Variants in CATSPERG observed in about 807,000 individuals in gnomAD.
CATSPERG encodes the protein cation channel sperm-associated auxiliary subunit gamma.
A neutral mutation model predicts 145.0 loss-of-function variants in CATSPERG; 115 were observed. The ratio of observed to expected loss-of-function variants is 0.79; its 90% CI spans 0.68 to 0.93. The LOEUF is 0.93. CATSPERG is among the 40% of genes least tolerant of loss of function. The pLI, the probability that CATSPERG is intolerant of heterozygous loss-of-function variation, is 0.00. For synonymous variants in CATSPERG, 588 were observed against 589.0 expected (o/e 1.00, Z 0.02); for missense variants, 1,296 against 1,490.1 (o/e 0.87, Z 2.14).
At chr19:38,356,580 G>C in intron 10 of CATSPERG, 37 bp downstream of exon 10, 1 of 1,606,734 alleles carries the variant, frequency 6.2e-7, no homozygotes, top group Non-Finnish European at 8.5e-7. Flanking sequence ...GTGGGAGGCT[G>C]GGGGAACTGA....
intron 3 of CATSPERG, among the ~76,000 whole-genome samples, chr19:38,339,704 A>G (rs1009091378): frequency 1.3e-5 from 2 of 152,122 alleles, no homozygotes; most frequent in Non-Finnish European, 2.9e-5. Flanking sequence ...ACTAAAGATC[A>G]TGAAGACTTA....
At chr19:38,339,034 G>A (rs1306647080) in intron 3 of CATSPERG, among the ~76,000 whole-genome samples, 2 of 152,096 alleles carry the variant, frequency 1.3e-5, no homozygotes, top group African/African-American at 4.8e-5. Flanking sequence ...TGGGACCAGA[G>A]GGCCATTGCT....
In CATSPERG at chr19:38,346,472, A is replaced by C. The variant is rs1375075108; in HGVS notation, c.692A>C (p.Tyr231Ser). The C allele has an allele frequency of 6.5e-7, 1 of 1,549,420 alleles. No homozygotes were observed. The highest frequency in any genetic ancestry group is 2.5e-5 in the East Asian group (1 of 40,816). ...GEELFNLMPQYFVGVSSRPLW... is the reference protein window; with the variant it reads ...GEELFNLMPQSFVGVSSRPLW... ...CAGCTCTTCAACCTGATGCCCCAGT[A>C]CTTTGTGGGTGTCTCATCGAGGCCC... is the stretch of plus-strand genomic sequence containing the variant. The change falls in exon 7 of 29, where the codon TAC becomes TCC. Residue 231 changes from tyrosine (Y) to serine (S), a missense_variant. Transcript: ENST00000409235.
rs1284048361 is a variant in CATSPERG, at chr19:38,343,583, TCTGAGGAC to T, written c.332_339del (p.Glu111GlyfsTer53). The stretch of plus-strand genomic sequence containing the variant: ...TGTGGGGCCATCTCACCCTCAGCCC[TCTGAGGAC>T]CTGGTGCGCATGGGCCACCTGACGG... On this transcript the variant is annotated frameshift_variant, in exon 4 of 29. Coordinates refer to ENST00000409235, the MANE Select transcript of CATSPERG (RefSeq NM_021185.5). LOFTEE classifies it high-confidence loss of function. 2 of 1,547,742 alleles carry T rather than the reference TCTGAGGAC, an allele frequency of 1.3e-6. No individual in the cohort carries two copies. The highest frequency in any genetic ancestry group is 1.4e-5 in the African/African-American group (1 of 72,932).
intron 7 of CATSPERG, among the ~76,000 whole-genome samples, chr19:38,351,011 G>A (rs538351610): frequency 3.3e-5 from 5 of 151,914 alleles, no homozygotes; most frequent in African/African-American, 1.2e-4. Flanking sequence ...AACAAAAAAT[G>A]GTCCTGTTTT....
chr19:38,358,159 C>G lies in CATSPERG; in HGVS notation c.1316-119C>G, dbSNP rs554576442. 4.3e-6 allele frequency: 4 copies of G among 934,474 alleles called. No homozygotes were observed. The Admixed American group carries it at 6.8e-5, about 16-fold the overall frequency. The allele number at this position is 934,474 out of a possible 1,614,324, so 57.9% of individuals were successfully genotyped here. A position where few individuals can be genotyped will look rare whatever the true frequency, so the allele number is the denominator to read the frequency against. On this transcript the variant is annotated intron_variant, in intron 11 of 28. Coordinates refer to ENST00000409235, the MANE Select transcript of CATSPERG (RefSeq NM_021185.5). ...AAGAAACTCTAAGGACTAGCAAACC[C>G]GAGTGGGAAGCTCTTTGGAGGGTTT...
rs1205362498 is a variant in CATSPERG, at chr19:38,367,192, C to G, written c.2650C>G (p.Pro884Ala). 2 of 1,613,778 alleles carry G rather than the reference C, an allele frequency of 1.2e-6. No individual in the cohort carries two copies. Among genetic ancestry groups the G allele is most frequent in the African/African-American group, 1.3e-5 (1 of 74,964 alleles). The change falls in exon 23 of 29, where the codon CCA becomes GCA. Residue 884 changes from proline to alanine, a missense_variant. Physicochemically the swap from Pro to Ala is conservative, Grantham distance 27 (BLOSUM62 -1). Transcript: ENST00000409235. Reference protein sequence around the residue: ...LMVPVFIGCPPGKRLAFDITY... With the variant: ...LMVPVFIGCPAGKRLAFDITY... The stretch of plus-strand genomic sequence containing the variant: ...GGTGCCAGTGTTCATTGGCTGCCCC[C>G]CAGGCAAGCGCCTGGCCTTCGACAT...
At position 38,365,046 on chromosome 19, in the gene CATSPERG, T is replaced by C. The variant is rs1254557955; in HGVS notation, c.2557-15T>C. 1 of 1,614,134 alleles carries C rather than the reference T, an allele frequency of 6.2e-7. No individual in the cohort carries two copies. Among genetic ancestry groups the C allele is most frequent in the Admixed American group, 1.7e-5 (1 of 60,022 alleles). The stretch of plus-strand genomic sequence containing the variant: ...GCCGGCGGGGATCACCATCTTCACC[T>C]GCTCCTACCCACAGGTGGTGGGTTC... On this transcript the variant is annotated splice_polypyrimidine_tract_variant and intron_variant, in intron 21 of 28. Coordinates refer to ENST00000409235, the MANE Select transcript of CATSPERG (RefSeq NM_021185.5).
At chr19:38,357,913 T>C (rs1399373858) in intron 11 of CATSPERG, among the ~76,000 whole-genome samples, 2 of 151,268 alleles carry the variant, frequency 1.3e-5, no homozygotes, top group African/African-American at 4.9e-5. Context: ...GATCATGCCA[T>C]TGCACTGCAG....
At chr19:38,343,845 G>A in intron 4 of CATSPERG, 121 bp downstream of exon 4, 1 of 1,389,190 alleles carries the variant, frequency 7.2e-7, no homozygotes, top group East Asian at 2.5e-5. Context: ...CACATTCCAT[G>A]GCCTAGAGGG....
intron 6 of CATSPERG, 101 bp from the exon 7 acceptor site, chr19:38,346,349 C>A (rs909547081): frequency 1.8e-6 from 2 of 1,099,468 alleles, no homozygotes; most frequent in Non-Finnish European, 2.5e-6. Flanking sequence ...GGACAAATCG[C>A]GTGGGGCCTT....
At chr19:38,351,794 G>T (rs1245396143) in intron 7 of CATSPERG, among the ~76,000 whole-genome samples, 1 of 151,336 alleles carries the variant, frequency 6.6e-6, no homozygotes, top group Non-Finnish European at 1.5e-5. Context: ...CACCTCTCTT[G>T]CCAGCTACTC....
chr19:38,342,322 T>G (rs1012058989), intron 3 of CATSPERG, among the ~76,000 whole-genome samples: 4 of 151,608 alleles, frequency 2.6e-5, no homozygotes, highest in Non-Finnish European at 5.9e-5. Context: ...AAAGAAAGAA[T>G]GGCCTGGTGG....
intron 6 of CATSPERG, among the ~76,000 whole-genome samples, chr19:38,344,878 CACACAT>C (rs1229694012): frequency 1.3e-4 from 10 of 78,010 alleles, no homozygotes; most frequent in East Asian, 1.4e-3. Flanking sequence ...CACACACACA[CACACAT>C]ATATATATAT....
Position 38,370,216 on chromosome 19 carries a change from C to T in CATSPERG, c.3171C>T (p.His1057=), listed in dbSNP as rs370863363. The part of the protein sequence containing the change: ...NYQLTFLLHI[H]GLPLSPKRAL... ...AGCTCACCTTCCTGCTGCACATCCACGGGCTGCCACTCAGTCCCAAGCGGG... is the reference window on the plus strand; with the variant it reads ...AGCTCACCTTCCTGCTGCACATCCATGGGCTGCCACTCAGTCCCAAGCGGG... Residue 1057 remains histidine, a synonymous_variant, in exon 28 of 29, where the codon CAC becomes CAT. Coordinates refer to ENST00000409235, the MANE Select transcript of CATSPERG (RefSeq NM_021185.5). 72 of 1,613,670 alleles carry T rather than the reference C, an allele frequency of 4.5e-5. No homozygotes were observed. The highest frequency in any genetic ancestry group is 2.2e-4 in the Admixed American group (13 of 60,008).
chr19:38,356,273 G>A (rs1295733828), intron 9 of CATSPERG, among the ~76,000 whole-genome samples: 2 of 152,106 alleles, frequency 1.3e-5, no homozygotes, highest in Admixed American at 1.3e-4. Context: ...TGGGTCACAT[G>A]GCCAGACCTG....
At position 38,337,450 on chromosome 19, in the gene CATSPERG, C is replaced by G; in HGVS notation, c.216C>G (p.Asp72Glu). The stretch of plus-strand genomic sequence containing the variant: ...GCTTCTTTGAGCAAGAGCCCGTGGA[C>G]ACAGTGAGCAGCTTGTTTCACATGC... Reference protein sequence around the residue: ...SDSFFEQEPVDTVSSLFHMLV... With the variant: ...SDSFFEQEPVETVSSLFHMLV... The change falls in exon 2 of 29, where the codon GAC (aspartate) becomes GAG (glutamate). Residue 72 changes from aspartate (D) to glutamate (E), a missense_variant. Asp to Glu is a conservative substitution (Grantham distance 45). Coordinates refer to ENST00000409235, the MANE Select transcript of CATSPERG (RefSeq NM_021185.5). The G allele has an allele frequency of 6.4e-7, 1 of 1,552,176 alleles. No homozygotes were observed. The highest frequency in any genetic ancestry group is 1.4e-5 in the African/African-American group (1 of 73,182).
At chr19:38,353,221 C>T (rs1231955072) in intron 8 of CATSPERG, among the ~76,000 whole-genome samples, 1 of 150,852 alleles carries the variant, frequency 6.6e-6, no homozygotes, top group African/African-American at 2.4e-5. Flanking sequence ...GTTATTCCAG[C>T]TACTCAGGAG....
At chr19:38,363,953 A>C (rs1462068409) in intron 20 of CATSPERG, among the ~76,000 whole-genome samples, 1 of 152,236 alleles carries the variant, frequency 6.6e-6, no homozygotes, top group African/African-American at 2.4e-5. Flanking sequence ...CATTGTCATC[A>C]TGGCCCGTTC....
Sources: gnomAD v4.1 joint callset for allele counts (sites outside exome capture counted in the v4.1 genomes callset) on GRCh38, gnomAD v4.1.1 for gene constraint, MANE v1.5 for transcripts, NCBI Gene and HGNC (gene_info 2026-07-23, HGNC 2026-07-21) for gene names.